The following RBMS3 variants were observed in gnomAD, a reference collection of about 807,000 sequenced individuals.
The protein encoded by RBMS3 is RNA-binding motif, single-stranded-interacting protein 3.
A neutral mutation model predicts 66.8 loss-of-function variants in RBMS3; 27 were observed. That is an observed-to-expected ratio of 0.40 (90% confidence interval 0.30 to 0.56). The LOEUF (loss-of-function observed/expected upper bound fraction) is 0.56. Ranked by LOEUF, RBMS3 falls within the 20% of genes least tolerant of loss-of-function variation. RBMS3 has a pLI of 0.40. For missense variants in RBMS3, 513 were observed against 549.5 expected (o/e 0.93, Z 0.66); for synonymous variants, 188 against 183.0 (o/e 1.03, Z -0.22).
intron 3 of RBMS3, among the ~76,000 whole-genome samples, chr3:29,541,559 G>T (rs148832042): frequency 1.3e-5 from 2 of 152,100 alleles, no homozygotes; most frequent in African/African-American, 4.8e-5. Context: ...TCGTGTAAGC[G>T]CAGGTGTCTG....
intron 12 of RBMS3, among the ~76,000 whole-genome samples, chr3:29,969,405 A>G (rs1577279376): frequency 6.6e-6 from 1 of 152,366 alleles, no homozygotes; most frequent in East Asian, 1.9e-4. Context: ...GTATATAAAA[A>G]GCCAATAGCA....
intron 3 of RBMS3, among the ~76,000 whole-genome samples, chr3:29,499,721 A>T (rs1259048508): frequency 2.0e-5 from 3 of 152,226 alleles, no homozygotes; most frequent in African/African-American, 4.8e-5. Flanking sequence ...CATAAAGCAT[A>T]TTTGGAACAC....
intron 3 of RBMS3, among the ~76,000 whole-genome samples, chr3:29,544,479 C>T (rs766391074): frequency 1.3e-5 from 2 of 151,710 alleles, no homozygotes; most frequent in Non-Finnish European, 2.9e-5. Context: ...AAGAAAAGAT[C>T]ACTAAGCTGA....
intron 12 of RBMS3, among the ~76,000 whole-genome samples, chr3:29,959,929 G>T (rs1264723513): frequency 6.6e-6 from 1 of 152,068 alleles, no homozygotes; most frequent in African/African-American, 2.4e-5. Flanking sequence ...TTCAAGATGA[G>T]ATTTGGGTGG....
intron 3 of RBMS3, among the ~76,000 whole-genome samples, chr3:29,560,411 C>T (rs1335290071): frequency 6.6e-6 from 1 of 152,098 alleles, no homozygotes; most frequent in Non-Finnish European, 1.5e-5. Flanking sequence ...TATTTGATAA[C>T]TTAGCAACAA....
rs7622575 is a variant in RBMS3 at position 29,668,759 on chromosome 3, G to C, written c.400-70961G>C. 2.0e-5 allele frequency among the ~76,000 whole-genome samples: 3 copies of C among 152,216 alleles called. 1 individual carries two copies. The highest frequency in any genetic ancestry group is 4.1e-4 in the South Asian group (2 of 4,828). ...ACAGAATCACAGAATTTAAGAGCTTGCCTGATCCTTGATATCCTTTTGCCT... is the reference window on the plus strand; with the variant it reads ...ACAGAATCACAGAATTTAAGAGCTTCCCTGATCCTTGATATCCTTTTGCCT... On this transcript the variant is annotated intron_variant, in intron 4 of 14. Coordinates refer to ENST00000383767, the MANE Select transcript of RBMS3 (RefSeq NM_001003793.3).
intron 1 of RBMS3, among the ~76,000 whole-genome samples, chr3:29,399,899 A>G (rs2039731341): frequency 6.6e-6 from 1 of 152,138 alleles, no homozygotes; most frequent in African/African-American, 2.4e-5. Flanking sequence ...ATAGAAAACT[A>G]CATTTTTTTG....
chr3:29,970,951 T>C (rs1174271233), intron 12 of RBMS3, among the ~76,000 whole-genome samples: 1 of 152,186 alleles, frequency 6.6e-6, no homozygotes, highest in Non-Finnish European at 1.5e-5. Context: ...ATACCACTCA[T>C]GGGCTCCTCT....
At chr3:29,999,179 CCAT>C (rs1193148765) in intron 14 of RBMS3, among the ~76,000 whole-genome samples, 1 of 152,108 alleles carries the variant, frequency 6.6e-6, no homozygotes, top group Non-Finnish European at 1.5e-5. Flanking sequence ...TCATCACTGG[CCAT>C]CAGAGAAATG....
intron 4 of RBMS3, among the ~76,000 whole-genome samples, chr3:29,632,201 G>A (rs1262641434): frequency 6.6e-6 from 1 of 151,884 alleles, no homozygotes; most frequent in African/African-American, 2.4e-5. Context: ...GCAGATGCAG[G>A]CACAGATGAT....
chr3:29,682,604 A>G (rs907374959), intron 4 of RBMS3, among the ~76,000 whole-genome samples: 1 of 152,186 alleles, frequency 6.6e-6, no homozygotes, highest in African/African-American at 2.4e-5. Context: ...ACTGGAAAGC[A>G]AGGGAGTGGG....
At chr3:29,772,310 T>C (rs1019524390) in intron 6 of RBMS3, among the ~76,000 whole-genome samples, 4 of 151,986 alleles carry the variant, frequency 2.6e-5, no homozygotes, top group Admixed American at 6.6e-5. Context: ...AAGTCTTAGA[T>C]GATTTTTTCT....
intron 6 of RBMS3, among the ~76,000 whole-genome samples, chr3:29,824,593 T>C (rs17024451): frequency 0.045 from 6,863 of 152,278 alleles, 196 homozygotes; most frequent in East Asian, 0.13. Context: ...TGTTCACCAA[T>C]TTTTTCTTTA....
intron 1 of RBMS3, among the ~76,000 whole-genome samples, chr3:29,371,612 A>G (rs1279986820): frequency 1.3e-5 from 2 of 152,240 alleles, no homozygotes; most frequent in Non-Finnish European, 2.9e-5. Flanking sequence ...ATGAGTGTAT[A>G]TGAGAACATG....
intron 3 of RBMS3, among the ~76,000 whole-genome samples, chr3:29,494,494 C>T (rs145422832): frequency 8.1e-4 from 123 of 152,206 alleles, no homozygotes; most frequent in African/African-American, 2.6e-3. Context: ...CTGAACAAAG[C>T]GAGTAACAGC....
chr3:29,698,193 C>T (rs1432836409), intron 4 of RBMS3: 4 of 983,038 alleles, frequency 4.1e-6, no homozygotes, highest in Non-Finnish European at 4.8e-6. Context: ...TATTTATAGC[C>T]ACAGGACTTC....
At chr3:29,812,498 C>T (rs1479178884) in intron 6 of RBMS3, among the ~76,000 whole-genome samples, 1 of 152,186 alleles carries the variant, frequency 6.6e-6, no homozygotes, top group African/African-American at 2.4e-5. Context: ...ATCTAACTTG[C>T]TCTGCCCAGT....
intron 10 of RBMS3, among the ~76,000 whole-genome samples, chr3:29,925,502 T>C (rs1164670435): frequency 6.6e-6 from 1 of 152,282 alleles, no homozygotes; most frequent in East Asian, 1.9e-4. Flanking sequence ...TGAGGAACTA[T>C]ACTAAATATC....
intron 2 of RBMS3, among the ~76,000 whole-genome samples, chr3:29,455,550 A>T (rs375705605): frequency 3.3e-5 from 5 of 152,280 alleles, no homozygotes; most frequent in African/African-American, 1.2e-4. Flanking sequence ...ACTGTTTTGC[A>T]TGTTTCTGTT....
Sources: gnomAD v4.1 joint callset for allele counts (sites outside exome capture counted in the v4.1 genomes callset) on GRCh38, gnomAD v4.1.1 for gene constraint, MANE v1.5 for transcripts, NCBI Gene and HGNC (gene_info 2026-07-23, HGNC 2026-07-21) for gene names.